AGO3: variants seen among roughly 807,000 people sequenced by gnomAD.
AGO3 encodes protein argonaute-3.
AGO3 carries 16 observed loss-of-function variants against 105.5 expected under a neutral mutation model. That is an observed-to-expected ratio of 0.15 (90% CI 0.10 to 0.23). The LOEUF (loss-of-function observed/expected upper bound fraction) is 0.23. Ranked by LOEUF, AGO3 falls within the 10% of genes least tolerant of loss-of-function variation. AGO3 has a pLI of 1.00. For synonymous variants in AGO3, 340 were observed against 367.3 expected, an observed-to-expected ratio of 0.93 and a Z score of 0.85; for missense variants, 534 against 1,088.0, an observed-to-expected ratio of 0.49 and a Z score of 7.16.
chr1:35,957,995 T>C (rs1436346172), intron 2 of AGO3, among the ~76,000 whole-genome samples: 1 of 151,020 alleles, frequency 6.6e-6, no homozygotes, highest in African/African-American at 2.4e-5. Flanking sequence ...ACTTCAGGAG[T>C]TGGAGGCTGC....
intron 17 of AGO3, among the ~76,000 whole-genome samples, chr1:36,049,115 T>C (rs752217624): frequency 6.6e-6 from 1 of 152,200 alleles, no homozygotes; most frequent in Non-Finnish European, 1.5e-5. Flanking sequence ...AACCAAATAC[T>C]GCATGCTCTC....
chr1:36,022,796 G>T (rs756799562), intron 11 of AGO3, among the ~76,000 whole-genome samples: 1 of 152,020 alleles, frequency 6.6e-6, no homozygotes, highest in Non-Finnish European at 1.5e-5. Flanking sequence ...GCCGGGCCTG[G>T]TGGTGGACAC....
chr1:36,036,379 C>T (rs1275485388), intron 14 of AGO3, 112 bp downstream of exon 14: 10 of 1,043,548 alleles, frequency 9.6e-6, no homozygotes, highest in Non-Finnish European at 1.4e-5. Flanking sequence ...CATAAATGTT[C>T]TTTGGGTTTT....
At chr1:36,040,061 T>TA in intron 15 of AGO3, 77 bp downstream of exon 15, 2 of 1,443,984 alleles carry the variant, frequency 1.4e-6, no homozygotes, top group Non-Finnish European at 1.9e-6. Flanking sequence ...GTTCTAGAGT[T>TA]AAAAACCTTG....
rs1283296627 is a variant in AGO3, at chr1:36,055,172, A to T, written c.2474+27A>T. On this transcript the variant is annotated intron_variant, in intron 18 of 18. Transcript: ENST00000373191. The surrounding 1 kb of genome is among the most constrained non-coding windows in gnomAD (Gnocchi z 4.4). ...TAATATAAAAGCATAACAGGTTCTC[A>T]CCCAAATCCCAATATTGTCTGCATG... is the stretch of plus-strand genomic sequence containing the variant. 1 of 1,557,576 alleles carries T rather than the reference A, an allele frequency of 6.4e-7. No individual in the cohort carries two copies. Among genetic ancestry groups the T allele is most frequent in the Non-Finnish European group, 8.7e-7 (1 of 1,148,526 alleles).
At chr1:35,969,646 C>T (rs976439532) in intron 3 of AGO3, among the ~76,000 whole-genome samples, 3 of 152,178 alleles carry the variant, frequency 2.0e-5, no homozygotes, top group Admixed American at 6.5e-5. Flanking sequence ...TACAATCCTG[C>T]ATCACCTAAA....
chr1:36,045,618 C>G (rs1303350343), intron 17 of AGO3, among the ~76,000 whole-genome samples: 1 of 151,840 alleles, frequency 6.6e-6, no homozygotes, highest in East Asian at 1.9e-4. Flanking sequence ...TCTCAGCTCA[C>G]TGCAATCTCC....
At chr1:36,047,547 A>G (rs958641505) in intron 17 of AGO3, among the ~76,000 whole-genome samples, 2 of 152,162 alleles carry the variant, frequency 1.3e-5, no homozygotes, top group African/African-American at 2.4e-5. Context: ...GGAGTTCCAG[A>G]AGGAGAAGAG....
At chr1:35,986,018 TA>T (rs1362314499) in intron 5 of AGO3, among the ~76,000 whole-genome samples, 4 of 152,158 alleles carry the variant, frequency 2.6e-5, no homozygotes, top group Non-Finnish European at 5.9e-5. Flanking sequence ...TTTGTAAAAT[TA>T]AAAAGCCTTA....
intron 5 of AGO3, among the ~76,000 whole-genome samples, chr1:35,994,618 A>G (rs1424309701): frequency 6.6e-6 from 1 of 152,216 alleles, no homozygotes; most frequent in Non-Finnish European, 1.5e-5. Flanking sequence ...AATACTCTAC[A>G]TTAAAGAATC....
chr1:35,967,108 ATTTTTGAAGTGTCTCCTTTTACACGCAT>A, intron 3 of AGO3, 33 bp downstream of exon 3: 1 of 1,590,326 alleles, frequency 6.3e-7, no homozygotes, highest in Non-Finnish European at 8.5e-7. Context: ...GGAAAGGTAT[ATTTTTGAAGTGTCTCCTTTTACACGCAT>A]TTATTACCAT....
intron 5 of AGO3, among the ~76,000 whole-genome samples, chr1:35,991,742 T>C (rs1276903257): frequency 2.0e-5 from 3 of 152,094 alleles, no homozygotes; most frequent in South Asian, 4.1e-4. Context: ...CTAAGTGTTA[T>C]CTTTCATAGC....
At chr1:35,956,640 T>A (rs1367494829) in intron 2 of AGO3, among the ~76,000 whole-genome samples, 2 of 151,256 alleles carry the variant, frequency 1.3e-5, no homozygotes, top group African/African-American at 2.4e-5. Context: ...TTTTTTTGTT[T>A]TTTTTTTTTT....
intron 6 of AGO3, among the ~76,000 whole-genome samples, chr1:36,007,520 A>C (rs1330706047): frequency 6.6e-6 from 1 of 152,122 alleles, no homozygotes; most frequent in African/African-American, 2.4e-5. Flanking sequence ...AACATGGCGA[A>C]ACCCCATCTC....
At position 35,940,071 on chromosome 1, in the gene AGO3, AT is replaced by A. The variant is rs566992201; in HGVS notation, c.20-5608del. 3.9e-3 allele frequency among the ~76,000 whole-genome samples: 567 copies of A among 146,776 alleles called. 6 individuals carry two copies. Among genetic ancestry groups the A allele is most frequent in the African/African-American group, 0.01 (416 of 40,282 alleles). Reference sequence around the variant, plus strand: ...TTTAAACTGTTTGCCTTAAAAAAAAATTTTTTTTTTTTTGAGATACAGTCTC... The same window carrying A: ...TTTAAACTGTTTGCCTTAAAAAAAAATTTTTTTTTTTTGAGATACAGTCTC... On this transcript the variant is annotated intron_variant, in intron 1 of 18. Coordinates refer to ENST00000373191, the MANE Select transcript of AGO3 (RefSeq NM_024852.4).
chr1:36,037,983 A>G (rs192889579), intron 14 of AGO3, among the ~76,000 whole-genome samples: 18 of 152,314 alleles, frequency 1.2e-4, no homozygotes, highest in Admixed American at 3.9e-4. Context: ...AAGTCTTGTA[A>G]ATAGAATTTA....
At position 36,056,574 on chromosome 1, in the gene AGO3, G is replaced by A. The variant is rs1642923060; in HGVS notation, c.*829G>A. On this transcript the variant is annotated 3_prime_UTR_variant, in exon 19 of 19. Transcript: ENST00000373191. ...AAGAAACAAAATTTTATATATATATGTATACATACATACACAGACACAGAC... is the reference window on the plus strand; with the variant it reads ...AAGAAACAAAATTTTATATATATATATATACATACATACACAGACACAGAC... 1 of 151,442 alleles carries A rather than the reference G, an allele frequency of 6.6e-6. No homozygotes were observed. The highest frequency in any genetic ancestry group is 1.5e-5 in the Non-Finnish European group (1 of 67,968). The allele number at this position is 151,442 out of a possible 1,614,324, so 9.4% of individuals were successfully genotyped here.
Position 36,070,845 on chromosome 1 carries a change from T to C in AGO3, c.*15100T>C, listed in dbSNP as rs1643152737. 1 of 152,252 alleles carries C rather than the reference T, an allele frequency of 6.6e-6. No individual in the cohort carries two copies. Among genetic ancestry groups the C allele is most frequent in the African/African-American group, 2.4e-5 (1 of 41,474 alleles). The allele number at this position is 152,252 out of a possible 1,614,324, so 9.4% of individuals were successfully genotyped here. Reference sequence around the variant, plus strand: ...TTTAAACTATTTTTGCTGTAATGTGTAGCTTTAATGTCTCTTTTCAGTTAT... The same window carrying C: ...TTTAAACTATTTTTGCTGTAATGTGCAGCTTTAATGTCTCTTTTCAGTTAT... On this transcript the variant is annotated 3_prime_UTR_variant, in exon 19 of 19. Coordinates refer to ENST00000373191, the MANE Select transcript of AGO3 (RefSeq NM_024852.4).
At position 36,027,747 on chromosome 1, in the gene AGO3, C is replaced by G. The variant is rs1225102961; in HGVS notation, c.1591+449C>G. Reference sequence around the variant, plus strand: ...TGAGCCGAGATCGCACCGGTGCACTCCAGCCTGGGCGACAGAGCGAAAGTC... The same window carrying G: ...TGAGCCGAGATCGCACCGGTGCACTGCAGCCTGGGCGACAGAGCGAAAGTC... On this transcript the variant is annotated intron_variant, in intron 12 of 18. Transcript: ENST00000373191. The surrounding 1 kb of genome is among the most constrained non-coding windows in gnomAD (Gnocchi z 4.0). 1.3e-5 allele frequency among the ~76,000 whole-genome samples: 2 copies of G among 150,966 alleles called. No homozygotes were observed. Among genetic ancestry groups the G allele is most frequent in the African/African-American group, 4.9e-5 (2 of 40,992 alleles).
Sources: allele counts gnomAD v4.1 joint callset (sites outside exome capture counted in the v4.1 genomes callset), GRCh38; gene constraint gnomAD v4.1.1; non-coding constraint Gnocchi (gnomAD v3.1); transcripts MANE v1.5; gene names NCBI Gene and HGNC (gene_info 2026-07-23, HGNC 2026-07-21).